Variants in INPP4B observed in about 807,000 individuals in gnomAD.
INPP4B encodes inositol polyphosphate-4-phosphatase type II B, also known as inositol polyphosphate 4-phosphatase type II.
INPP4B carries 55 observed loss-of-function variants against 122.5 expected under a neutral mutation model. That is an observed-to-expected ratio of 0.45 (90% confidence interval 0.36 to 0.56). INPP4B has a LOEUF of 0.56. INPP4B is among the 20% of genes least tolerant of loss of function. INPP4B has a pLI of 0.00. For synonymous variants in INPP4B, 403 were observed against 388.7 expected (o/e 1.04, Z -0.43); for missense variants, 1,000 against 1,097.7 (o/e 0.91, Z 1.26).
intron 12 of INPP4B, among the ~76,000 whole-genome samples, chr4:142,221,176 G>A (rs914616640): frequency 6.6e-6 from 1 of 151,964 alleles, no homozygotes; most frequent in African/African-American, 2.4e-5. Flanking sequence ...GAGGCGAGTG[G>A]ATCACGAGGT....
chr4:142,611,067 C>T (rs1161263083), intron 2 of INPP4B, among the ~76,000 whole-genome samples: 1 of 152,178 alleles, frequency 6.6e-6, no homozygotes, highest in Admixed American at 6.5e-5. Flanking sequence ...CTGGTATCCA[C>T]CTGGCTTCCA....
At chr4:142,279,453 C>T (rs1750148281) in intron 9 of INPP4B, among the ~76,000 whole-genome samples, 1 of 151,474 alleles carries the variant, frequency 6.6e-6, no homozygotes, top group South Asian at 2.1e-4. Flanking sequence ...GAAAATATAA[C>T]CAATTGATTT....
intron 11 of INPP4B, among the ~76,000 whole-genome samples, chr4:142,252,055 T>C (rs896879475): frequency 2.6e-5 from 4 of 152,356 alleles, no homozygotes; most frequent in Admixed American, 6.5e-5. Flanking sequence ...GTTTACCGCA[T>C]AGGTGATCTT....
intron 2 of INPP4B, among the ~76,000 whole-genome samples, chr4:142,538,602 C>G (rs1354438146): frequency 6.6e-6 from 1 of 151,906 alleles, no homozygotes; most frequent in East Asian, 1.9e-4. Context: ...GAAAATATAA[C>G]TCATGCTAAA....
chr4:142,432,872 T>G (rs955936546), intron 3 of INPP4B, among the ~76,000 whole-genome samples: 1 of 152,136 alleles, frequency 6.6e-6, no homozygotes, highest in African/African-American at 2.4e-5. Context: ...ACACTATCGG[T>G]GAATAATTAA....
At chr4:142,662,284 G>C (rs1312233270) in intron 2 of INPP4B, among the ~76,000 whole-genome samples, 3 of 151,876 alleles carry the variant, frequency 2.0e-5, no homozygotes, top group Non-Finnish European at 2.9e-5. Context: ...AACAAAGTTT[G>C]ACCACTGCAC....
intron 2 of INPP4B, among the ~76,000 whole-genome samples, chr4:142,619,166 A>G (rs2150365117): frequency 6.6e-6 from 1 of 152,076 alleles, no homozygotes; most frequent in South Asian, 2.1e-4. Context: ...GCTGTAGAAA[A>G]CAGTATGGAG....
chr4:142,805,980 A>G (rs1778624281), intron 1 of INPP4B, among the ~76,000 whole-genome samples: 1 of 152,164 alleles, frequency 6.6e-6, no homozygotes, highest in African/African-American at 2.4e-5. Flanking sequence ...CTCTTTGCTT[A>G]AAAATAGAGG....
intron 5 of INPP4B, among the ~76,000 whole-genome samples, chr4:142,425,755 T>C (rs113811266): frequency 1.3e-5 from 2 of 152,166 alleles, no homozygotes; most frequent in African/African-American, 4.8e-5. Context: ...TCTTTCTGTC[T>C]ACATAGAACT....
chr4:142,199,065 C>A (rs1839611458), intron 14 of INPP4B, among the ~76,000 whole-genome samples: 1 of 151,978 alleles, frequency 6.6e-6, no homozygotes, highest in Non-Finnish European at 1.5e-5. Flanking sequence ...GTTTTCGTAT[C>A]ACATAAAATA....
intron 23 of INPP4B, among the ~76,000 whole-genome samples, chr4:142,098,538 G>C (rs1578891069): frequency 6.6e-6 from 1 of 152,136 alleles, no homozygotes; most frequent in African/African-American, 2.4e-5. Context: ...GAAGAGGTAA[G>C]AAGGGTTTTG....
chr4:142,440,695 G>A (rs926887697), intron 3 of INPP4B, among the ~76,000 whole-genome samples: 8 of 151,856 alleles, frequency 5.3e-5, no homozygotes, highest in Admixed American at 4.6e-4. Context: ...TACATTCTTA[G>A]AACTCAATTT....
At chr4:142,418,930 C>A (rs1806310992) in intron 5 of INPP4B, among the ~76,000 whole-genome samples, 1 of 152,052 alleles carries the variant, frequency 6.6e-6, no homozygotes, top group East Asian at 1.9e-4. Flanking sequence ...GGTGAGAGTT[C>A]ACAGTGGCTT....
intron 2 of INPP4B, among the ~76,000 whole-genome samples, chr4:142,617,079 T>C (rs1743867872): frequency 6.6e-6 from 1 of 152,070 alleles, no homozygotes. Flanking sequence ...CTTTTACCTC[T>C]AAGATCTAAA....
Position 142,435,418 on chromosome 4 carries a change from A to T in INPP4B, c.-126-4033T>A, listed in dbSNP as rs922195655. ...TAAAATCATTTTTAATGAAATGTTT[A>T]AAAAATCCCTACATAGTTATCCCTT... On this transcript the variant is annotated intron_variant, in intron 3 of 25. Coordinates refer to ENST00000262992, the MANE Select transcript of INPP4B (RefSeq NM_001101669.3). Among the ~76,000 whole-genome samples the T allele has an allele frequency of 9.2e-5, 14 of 151,448 alleles. No homozygotes were observed. In the East Asian group the frequency reaches 2.4e-3, roughly 26 times the overall value.
chr4:142,505,997 C>A (rs377067271), intron 2 of INPP4B, among the ~76,000 whole-genome samples: 128 of 152,222 alleles, frequency 8.4e-4, no homozygotes, highest in African/African-American at 3.0e-3. Flanking sequence ...TGTGCATTAA[C>A]ACTAAAATGT....
intron 21 of INPP4B, among the ~76,000 whole-genome samples, chr4:142,120,035 A>G (rs980597890): frequency 4.6e-5 from 7 of 151,924 alleles, no homozygotes; most frequent in East Asian, 1.9e-4. Context: ...ATTTTTGTGT[A>G]TGTGTAAATT....
chr4:142,705,925 T>G (rs1762418778), intron 2 of INPP4B, among the ~76,000 whole-genome samples: 1 of 152,204 alleles, frequency 6.6e-6, no homozygotes, highest in Admixed American at 6.5e-5. Context: ...TAAATGGAAA[T>G]GTAATAAAGC....
chr4:142,267,648 A>G (rs1247212030), intron 10 of INPP4B, among the ~76,000 whole-genome samples: 1 of 152,316 alleles, frequency 6.6e-6, no homozygotes, highest in East Asian at 1.9e-4. Flanking sequence ...ATGCTCCATG[A>G]CATTGTTCTG....
Sources: gnomAD v4.1 joint callset for allele counts (sites outside exome capture counted in the v4.1 genomes callset) on GRCh38, gnomAD v4.1.1 for gene constraint, MANE v1.5 for transcripts, NCBI Gene and HGNC (gene_info 2026-07-23, HGNC 2026-07-21) for gene names.